GNPNAT1: variants seen among roughly 807,000 people sequenced by gnomAD.
GNPNAT1 encodes glucosamine-phosphate N-acetyltransferase 1.
GNPNAT1 carries 11 observed loss-of-function variants against 19.8 expected under a neutral mutation model. The observed-to-expected ratio is 0.56, with a 90% CI of 0.35 to 0.92. The LOEUF (loss-of-function observed/expected upper bound fraction) is 0.92. Ranked by LOEUF, GNPNAT1 falls within the 40% of genes least tolerant of loss-of-function variation. The pLI is 0.01. For missense variants in GNPNAT1, 157 were observed against 211.0 expected (o/e 0.74, Z 1.59); for synonymous variants, 71 against 72.3 (o/e 0.98, Z 0.09).
chr14:52,790,614 A>G (rs549123195), intron 1 of GNPNAT1, among the ~76,000 whole-genome samples: 1 of 152,306 alleles, frequency 6.6e-6, no homozygotes, highest in South Asian at 2.1e-4. Context: ...TGGGGCTAGA[A>G]TCCTCGTTTT....
intron 3 of GNPNAT1, among the ~76,000 whole-genome samples, chr14:52,782,816 A>G (rs536762457): frequency 5.3e-5 from 8 of 152,108 alleles, no homozygotes; most frequent in African/African-American, 1.7e-4. Context: ...GCTATTAAAT[A>G]TTACTAAATA....
intron 5 of GNPNAT1, among the ~76,000 whole-genome samples, chr14:52,779,724 TAAAAAAAAAAA>T (rs35906707): frequency 6.0e-4 from 23 of 38,214 alleles, no homozygotes; most frequent in African/African-American, 1.1e-3. Context: ...TCCCATCTCT[TAAAAAAAAAAA>T]AAAAAAAAAA....
chr14:52,789,851 AC>A (rs1257203680), intron 1 of GNPNAT1, among the ~76,000 whole-genome samples: 2 of 152,000 alleles, frequency 1.3e-5, no homozygotes, highest in Non-Finnish European at 2.9e-5. Context: ...ATTCCTCAGA[AC>A]CTTTTCTGAT....
chr14:52,784,577 G>C lies in GNPNAT1; in HGVS notation c.74C>G (p.Thr25Arg). The C allele has an allele frequency of 6.2e-7, 1 of 1,609,242 alleles. No individual in the cohort carries two copies. Among genetic ancestry groups the C allele is most frequent in the Non-Finnish European group, 8.5e-7 (1 of 1,177,238 alleles). Residue 25 changes from threonine (T) to arginine (R), a missense_variant, in exon 2 of 6, where the codon ACA (threonine) becomes AGA (arginine). Physicochemically the swap from Thr to Arg is moderately conservative, Grantham distance 71. Transcript: ENST00000216410. ...TGTTGGGGAAATGGCTGGAGAAAAT[G>C]TAGCTGTATTCTGACTCCAGTCCAC... ...KEVDWSQNTA[T>R]FSPAISPTHP...
At chr14:52,786,969 T>C (rs530438548) in intron 1 of GNPNAT1, among the ~76,000 whole-genome samples, 1 of 149,318 alleles carries the variant, frequency 6.7e-6, no homozygotes, top group South Asian at 2.2e-4. Context: ...GTGTTTCATA[T>C]ACATCTTATA....
rs1219361928 is a variant in GNPNAT1, at chr14:52,776,864, TAATTTTTAAA to T, written c.*1437_*1446del. Reference sequence around the variant, plus strand: ...GCCACTGCACCCGGCCTTACCAGGCTAATTTTTAAAAACATGCGTTTTTAATTACCAGGAT... The same window carrying T: ...GCCACTGCACCCGGCCTTACCAGGCTAACATGCGTTTTTAATTACCAGGAT... On this transcript the variant is annotated 3_prime_UTR_variant, in exon 6 of 6. Transcript: ENST00000216410. 1 of 152,224 alleles carries T rather than the reference TAATTTTTAAA, an allele frequency of 6.6e-6. No individual in the cohort carries two copies. The highest frequency in any genetic ancestry group is 1.9e-4 in the East Asian group (1 of 5,198). The allele number at this position is 152,224 out of a possible 1,614,324, so 9.4% of individuals were successfully genotyped here.
chr14:52,778,283 C>T lies in GNPNAT1; in HGVS notation c.*28G>A, dbSNP rs1202146198. On this transcript the variant is annotated 3_prime_UTR_variant, in exon 6 of 6. Coordinates refer to ENST00000216410, the MANE Select transcript of GNPNAT1 (RefSeq NM_198066.4). Reference sequence around the variant, plus strand: ...GAAGAGTGTAGCCTTGTAGCATTAGCCCCTTTGACAATTTTCTTACAAGAT... The same window carrying T: ...GAAGAGTGTAGCCTTGTAGCATTAGTCCCTTTGACAATTTTCTTACAAGAT... 4 of 1,545,604 alleles carry T rather than the reference C, an allele frequency of 2.6e-6. No homozygotes were observed. The highest frequency in any genetic ancestry group is 2.3e-5 in the East Asian group (1 of 44,156).
intron 4 of GNPNAT1, 126 bp from the exon 5 acceptor site, chr14:52,780,866 G>A: frequency 1.2e-5 from 7 of 593,254 alleles, no homozygotes; most frequent in African/African-American, 3.8e-5. Context: ...GAAATCAAAT[G>A]CAAAAAATAT....
chr14:52,780,648 A>C, intron 5 of GNPNAT1, 31 bp downstream of exon 5: 1 of 1,470,594 alleles, frequency 6.8e-7, no homozygotes, highest in Non-Finnish European at 9.5e-7. Flanking sequence ...AACAAAATTT[A>C]TCCAGGGTTA....
At chr14:52,784,461 G>C in intron 2 of GNPNAT1, 36 bp downstream of exon 2, 1 of 1,465,444 alleles carries the variant, frequency 6.8e-7, no homozygotes, top group Non-Finnish European at 9.1e-7. Flanking sequence ...AAAATGGAAG[G>C]CTAACTCTAA....
chr14:52,777,236 C>T lies in GNPNAT1; in HGVS notation c.*1075G>A, dbSNP rs1465690756. 2.0e-5 allele frequency: 3 copies of T among 152,578 alleles called. No homozygotes were observed. Among genetic ancestry groups the T allele is most frequent in the Admixed American group, 1.3e-4 (2 of 15,276 alleles). 9.5% of individuals were successfully genotyped at this position (152,578 alleles called of 1,614,324 possible). A position where few individuals can be genotyped will look rare whatever the true frequency, so the allele number is the denominator to read the frequency against. On this transcript the variant is annotated 3_prime_UTR_variant, in exon 6 of 6. Coordinates refer to ENST00000216410, the MANE Select transcript of GNPNAT1 (RefSeq NM_198066.4). ...TTCAACAGCAGACTCAAGAAAAGCA[C>T]AGATGTGATTCTAACAGAAGACTAC...
At chr14:52,778,523 C>T in intron 5 of GNPNAT1, 65 bp from the exon 6 acceptor site, 1 of 1,352,222 alleles carries the variant, frequency 7.4e-7, no homozygotes, top group Non-Finnish European at 1.0e-6. Flanking sequence ...ATTCTAGTAA[C>T]AATATGAATT....
chr14:52,789,032 T>A (rs964094544), intron 1 of GNPNAT1, among the ~76,000 whole-genome samples: 1 of 152,206 alleles, frequency 6.6e-6, no homozygotes, highest in Non-Finnish European at 1.5e-5. Context: ...GTATCATTAT[T>A]ATCCCAATTT....
At chr14:52,781,245 T>G (rs2139963442) in intron 4 of GNPNAT1, among the ~76,000 whole-genome samples, 1 of 152,250 alleles carries the variant, frequency 6.6e-6, no homozygotes, top group South Asian at 2.1e-4. Flanking sequence ...TAGCAAGTTA[T>G]TTTAGATATC....
At chr14:52,780,581 GAAT>G in intron 5 of GNPNAT1, 95 bp downstream of exon 5, 1 of 755,140 alleles carries the variant, frequency 1.3e-6, no homozygotes, top group East Asian at 2.5e-5. Flanking sequence ...AATAAGTTCA[GAAT>G]TAATGAAGCC....
intron 4 of GNPNAT1, 110 bp from the exon 5 acceptor site, chr14:52,780,850 T>G (rs572139287): frequency 1.5e-5 from 10 of 648,178 alleles, no homozygotes; most frequent in South Asian, 2.2e-5. Flanking sequence ...AAACTTGAAC[T>G]TAACAGAAAT....
intron 1 of GNPNAT1, among the ~76,000 whole-genome samples, chr14:52,790,212 A>G (rs907419110): frequency 1.3e-5 from 2 of 152,184 alleles, no homozygotes; most frequent in Admixed American, 6.5e-5. Context: ...GCAACAAGTA[A>G]TAGACACCGG....
chr14:52,786,795 CAATT>C (rs1883029768), intron 1 of GNPNAT1, among the ~76,000 whole-genome samples: 2 of 143,232 alleles, frequency 1.4e-5, no homozygotes, highest in Admixed American at 1.5e-4. Flanking sequence ...TGCTTCCCAA[CAATT>C]AAAAGTTGAG....
At position 52,778,140 on chromosome 14, in the gene GNPNAT1, G is replaced by A; in HGVS notation, c.*171C>T. 1 of 416,896 alleles carries A rather than the reference G, an allele frequency of 2.4e-6. No individual in the cohort carries two copies. The highest frequency in any genetic ancestry group is 7.9e-5 in the South Asian group (1 of 12,636). The allele number at this position is 416,896 out of a possible 1,614,324, so 25.8% of individuals were successfully genotyped here. ...CATTTGTAATCTAAATTCACAGCAT[G>A]TCCCACCAGCCCAAAGTAATCTTCT... On this transcript the variant is annotated 3_prime_UTR_variant, in exon 6 of 6. Coordinates refer to ENST00000216410, the MANE Select transcript of GNPNAT1 (RefSeq NM_198066.4).
Sources: allele counts gnomAD v4.1 joint callset (sites outside exome capture counted in the v4.1 genomes callset), GRCh38; gene constraint gnomAD v4.1.1; transcripts MANE v1.5; gene names NCBI Gene and HGNC (gene_info 2026-07-23, HGNC 2026-07-21).